GINM1: variants seen among roughly 807,000 people sequenced by gnomAD.
The protein encoded by GINM1 is glycosylated integral membrane protein 1.
A neutral mutation model predicts 37.8 loss-of-function variants in GINM1; 29 were observed. That is an observed-to-expected ratio of 0.77 (90% CI 0.57 to 1.05). GINM1 has a LOEUF of 1.05. GINM1 is among the 50% of genes least tolerant of loss of function. The probability of loss-of-function intolerance (pLI) is 0.00; values close to 1 mark genes in which losing one functional copy is unlikely to be tolerated. For missense variants in GINM1, 377 were observed against 397.9 expected (o/e 0.95, Z 0.45); for synonymous variants, 143 against 146.2 (o/e 0.98, Z 0.16).
intron 7 of GINM1, among the ~76,000 whole-genome samples, chr6:149,583,337 C>T (rs1778028003): frequency 2.0e-5 from 3 of 152,222 alleles, no homozygotes; most frequent in South Asian, 4.2e-4. Flanking sequence ...GTGGCAGGCG[C>T]CTGTAGTCCC....
At chr6:149,588,524 C>T (rs745575064) in intron 7 of GINM1, among the ~76,000 whole-genome samples, 13 of 152,118 alleles carry the variant, frequency 8.5e-5, no homozygotes, top group Non-Finnish European at 7.4e-5. Context: ...AAATTCAAGG[C>T]CTAAGTAATT....
intron 7 of GINM1, among the ~76,000 whole-genome samples, chr6:149,589,090 C>T (rs927234871): frequency 9.2e-5 from 14 of 151,594 alleles, no homozygotes; most frequent in African/African-American, 3.4e-4. Flanking sequence ...AGGCGTGAGC[C>T]ACCGTGCCCA....
At chr6:149,587,866 G>T (rs1393816366) in intron 7 of GINM1, among the ~76,000 whole-genome samples, 1 of 152,188 alleles carries the variant, frequency 6.6e-6, no homozygotes, top group Non-Finnish European at 1.5e-5. Flanking sequence ...CAGCTCCCCT[G>T]TTGAGGCTAT....
intron 6 of GINM1, 34 bp from the exon 7 acceptor site, chr6:149,582,406 C>G (rs374944746): frequency 1.3e-6 from 2 of 1,558,862 alleles, no homozygotes; most frequent in Non-Finnish European, 1.7e-6. Flanking sequence ...GAGATTGATG[C>G]AACTTGCATA....
chr6:149,588,949 C>T (rs1160603835), intron 7 of GINM1, among the ~76,000 whole-genome samples: 2 of 152,044 alleles, frequency 1.3e-5, no homozygotes, highest in Admixed American at 6.6e-5. Flanking sequence ...AGATTACAGG[C>T]GCCCGCCACC....
At chr6:149,575,577 G>A (rs1457901624) in intron 3 of GINM1, among the ~76,000 whole-genome samples, 5 of 152,100 alleles carry the variant, frequency 3.3e-5, no homozygotes, top group African/African-American at 1.2e-4. Flanking sequence ...CTCACCTCAG[G>A]GAGCTCTTTT....
In GINM1 at chr6:149,591,101, C is replaced by T. The variant is rs943235382; in HGVS notation, c.*263C>T. ...CGAGGTCAGATCAAGACCATCCTGC[C>T]AACATGGTGAAACCCTGTCTCTACT... On this transcript the variant is annotated 3_prime_UTR_variant, in exon 8 of 8. Coordinates refer to ENST00000367419, the MANE Select transcript of GINM1 (RefSeq NM_138785.5). The T allele has an allele frequency of 3.7e-5, 10 of 267,292 alleles. No individual in the cohort carries two copies. Among genetic ancestry groups the T allele is most frequent in the South Asian group, 7.8e-5 (1 of 12,852 alleles). 16.6% of individuals were successfully genotyped at this position (267,292 alleles called of 1,614,324 possible). A position where few individuals can be genotyped will look rare whatever the true frequency, so the allele number is the denominator to read the frequency against.
chr6:149,573,077 C>G (rs755508715), intron 3 of GINM1, among the ~76,000 whole-genome samples: 58 of 152,254 alleles, frequency 3.8e-4, no homozygotes, highest in Non-Finnish European at 4.1e-4. Context: ...AATCCCAACA[C>G]TTTGGGAGGC....
chr6:149,570,015 G>C (rs1562269725), intron 1 of GINM1, among the ~76,000 whole-genome samples: 1 of 151,360 alleles, frequency 6.6e-6, no homozygotes, highest in Non-Finnish European at 1.5e-5. Flanking sequence ...ATTCCCTTTT[G>C]CAGTGAAATC....
intron 1 of GINM1, among the ~76,000 whole-genome samples, chr6:149,569,403 A>G (rs1172719010): frequency 1.4e-5 from 2 of 147,534 alleles, no homozygotes; most frequent in Non-Finnish European, 1.5e-5. Context: ...CAGTGGTGCA[A>G]TCTCGGCTCA....
rs760580481 is a variant in GINM1 at position 149,580,547 on chromosome 6, G to A, written c.587-46G>A. On this transcript the variant is annotated intron_variant, in intron 5 of 7. Transcript: ENST00000367419. ...GGTATCGTAATCTTAGGACTAGTAGGATAAGACACCAGCATTTTGGTAACG... is the reference window on the plus strand; with the variant it reads ...GGTATCGTAATCTTAGGACTAGTAGAATAAGACACCAGCATTTTGGTAACG... 7.6e-6 allele frequency: 12 copies of A among 1,571,652 alleles called. No individual in the cohort carries two copies. The South Asian group carries it at 1.4e-4, about 18-fold the overall frequency.
In GINM1 at chr6:149,576,955, C is replaced by T. The variant is rs545443515; in HGVS notation, c.278-1867C>T. Among the ~76,000 whole-genome samples the T allele has an allele frequency of 1.1e-3, 165 of 152,220 alleles. 1 individual carries two copies. Among genetic ancestry groups the T allele is most frequent in the South Asian group, 4.1e-3 (20 of 4,824 alleles). ...AGCATCTGCTCAGCTTCTAAGGAGGCGTCAGGAAGCTTTTACTCATGGTGG... is the reference window on the plus strand; with the variant it reads ...AGCATCTGCTCAGCTTCTAAGGAGGTGTCAGGAAGCTTTTACTCATGGTGG... On this transcript the variant is annotated intron_variant, in intron 3 of 7. Coordinates refer to ENST00000367419, the MANE Select transcript of GINM1 (RefSeq NM_138785.5).
chr6:149,577,799 G>C (rs1419648169), intron 3 of GINM1, among the ~76,000 whole-genome samples: 1 of 152,164 alleles, frequency 6.6e-6, no homozygotes, highest in East Asian at 1.9e-4. Context: ...ATCTGTGACA[G>C]GTGCATTGGT....
Position 149,580,478 on chromosome 6 carries a change from T to G in GINM1, c.587-115T>G, listed in dbSNP as rs971521363. On this transcript the variant is annotated intron_variant, in intron 5 of 7. Transcript: ENST00000367419. ...TGAACATTCAGATGTGTTAATTTTT[T>G]CTCCCATGGTAAAATATGTGTTCTT... is the stretch of plus-strand genomic sequence containing the variant. The G allele has an allele frequency of 5.0e-5, 44 of 888,876 alleles. No homozygotes were observed. The Middle Eastern group carries it at 1.4e-3, about 29-fold the overall frequency. The allele number at this position is 888,876 out of a possible 1,614,324, so 55.1% of individuals were successfully genotyped here. A position where few individuals can be genotyped will look rare whatever the true frequency, so the allele number is the denominator to read the frequency against.
chr6:149,566,473 C>G lies in GINM1; in HGVS notation c.59C>G (p.Pro20Arg), dbSNP rs754216692. The change falls in exon 1 of 8, where the codon CCC becomes CGC. Residue 20 changes from proline to arginine, a missense_variant. Transcript: ENST00000367419. This position sits in a 1 kb window ranked among gnomAD's most constrained non-coding sequence, Gnocchi z 4.4. ...CGGCTCCTGCTGTTCGTGGCGCTAC[C>G]CGCCTCCGGCTGGCTGACGACGGGC... ...ALRLLLFVAL[P>R]ASGWLTTGAP... 1.3e-6 allele frequency: 2 copies of G among 1,562,296 alleles called. No individual in the cohort carries two copies. Among genetic ancestry groups the G allele is most frequent in the South Asian group, 2.3e-5 (2 of 86,284 alleles).
rs775085484 is a variant in GINM1, at chr6:149,578,984, A to G, written c.429+11A>G. The G allele has an allele frequency of 1.4e-6, 2 of 1,461,722 alleles. No homozygotes were observed. The highest frequency in any genetic ancestry group is 9.5e-7 in the Non-Finnish European group (1 of 1,058,122). The allele number at this position is 1,461,722 out of a possible 1,614,324, so 90.5% of individuals were successfully genotyped here. ...ATTGATGGAAAACAAGTAAGATAGT[A>G]TGTTTATTAATTGGGAATTAAATGA... On this transcript the variant is annotated intron_variant, in intron 4 of 7. Coordinates refer to ENST00000367419, the MANE Select transcript of GINM1 (RefSeq NM_138785.5).
chr6:149,588,818 T>C (rs1454266597), intron 7 of GINM1, among the ~76,000 whole-genome samples: 1 of 151,898 alleles, frequency 6.6e-6, no homozygotes, highest in Non-Finnish European at 1.5e-5. Context: ...TTGTTGTTGT[T>C]GTTGAGACAC....
chr6:149,570,158 A>T lies in GINM1; in HGVS notation c.121-2127A>T, dbSNP rs1257234239. Among the ~76,000 whole-genome samples the T allele has an allele frequency of 1.7e-3, 92 of 53,156 alleles. 6 individuals carry two copies. The highest frequency in any genetic ancestry group is 8.1e-3 in the African/African-American group (87 of 10,676). The allele number at this position is 53,156 out of a possible 152,430, so 34.9% of individuals were successfully genotyped here. On this transcript the variant is annotated intron_variant, in intron 1 of 7. Transcript: ENST00000367419. Reference sequence around the variant, plus strand: ...GTTTTATATATATATATATATATATATATATATATATATATATATATATAT... The same window carrying T: ...GTTTTATATATATATATATATATATTTATATATATATATATATATATATAT...
At chr6:149,572,627 A>G in intron 3 of GINM1, 24 bp downstream of exon 3, 1 of 1,256,036 alleles carries the variant, frequency 8.0e-7, no homozygotes, top group Non-Finnish European at 1.2e-6. Flanking sequence ...AATTATTTCC[A>G]TAATTGCTCT....
Sources: gnomAD v4.1 joint callset for allele counts (sites outside exome capture counted in the v4.1 genomes callset) on GRCh38, gnomAD v4.1.1 for gene constraint, Gnocchi (gnomAD v3.1) non-coding constraint, MANE v1.5 for transcripts, NCBI Gene and HGNC (gene_info 2026-07-23, HGNC 2026-07-21) for gene names.